The following HYDIN variants were observed in gnomAD, a reference collection of about 807,000 sequenced individuals.
The protein encoded by HYDIN is axonemal central pair apparatus protein HYDIN.
A neutral mutation model predicts 403.9 loss-of-function variants in HYDIN; 132 were observed. The observed-to-expected ratio is 0.33, with a 90% CI of 0.28 to 0.38. The LOEUF (loss-of-function observed/expected upper bound fraction) is 0.38, where lower values mean the gene tolerates loss of function less well. Among genes scored for constraint, HYDIN ranks in the 10% least tolerant of loss-of-function variants. The pLI is 1.00. For missense variants in HYDIN, 2,827 were observed against 5,009.5 expected, an observed-to-expected ratio of 0.56 and a Z score of 13.15; for synonymous variants, 1,202 against 1,891.7, an observed-to-expected ratio of 0.64 and a Z score of 9.46.
At chr16:71,148,612 C>T (rs1030194353) in intron 7 of HYDIN, among the ~76,000 whole-genome samples, 1 of 151,600 alleles carries the variant, frequency 6.6e-6, no homozygotes, top group Non-Finnish European at 1.5e-5. Context: ...ACCACACTAG[C>T]TATAAAATTA....
chr16:71,064,482 C>T (rs144681394), intron 16 of HYDIN, among the ~76,000 whole-genome samples: 2,758 of 152,070 alleles, frequency 0.018, 70 homozygotes, highest in African/African-American at 0.062. Flanking sequence ...AGGGTAATTT[C>T]TCTGGGAAAT....
chr16:70,899,835 G>A (rs1351993901), intron 53 of HYDIN, among the ~76,000 whole-genome samples: 1 of 152,230 alleles, frequency 6.6e-6, no homozygotes, highest in Non-Finnish European at 1.5e-5. Flanking sequence ...GGAGCCTAAG[G>A]GCAGATTCCC....
chr16:70,946,597 C>G (rs1368176123), intron 41 of HYDIN, among the ~76,000 whole-genome samples: 1 of 152,044 alleles, frequency 6.6e-6, no homozygotes, highest in East Asian at 1.9e-4. Flanking sequence ...CAGACCATGG[C>G]ATCCAGACTG....
intron 41 of HYDIN, among the ~76,000 whole-genome samples, chr16:70,950,447 G>A (rs1399032621): frequency 3.3e-5 from 5 of 151,568 alleles, no homozygotes; most frequent in Admixed American, 1.3e-4. Context: ...TAGTAGAGAC[G>A]GGGTTTCATC....
chr16:71,145,689 C>T (rs949453598), intron 7 of HYDIN, among the ~76,000 whole-genome samples: 4 of 152,006 alleles, frequency 2.6e-5, no homozygotes, highest in South Asian at 2.1e-4. Context: ...AAAATGCAGC[C>T]GCATTTCAAA....
intron 57 of HYDIN, among the ~76,000 whole-genome samples, chr16:70,891,151 A>C (rs1044255097): frequency 2.6e-5 from 4 of 152,162 alleles, no homozygotes; most frequent in African/African-American, 9.7e-5. Flanking sequence ...ACCAAGATCT[A>C]CTGGTGATTT....
intron 44 of HYDIN, among the ~76,000 whole-genome samples, 161 bp downstream of exon 44, chr16:70,938,453 C>T (rs1024654234): frequency 6.6e-6 from 1 of 152,220 alleles, no homozygotes. Context: ...CCTTGATGGG[C>T]GGGATGCATC....
At chr16:71,107,398 G>T (rs921922112) in intron 10 of HYDIN, among the ~76,000 whole-genome samples, 1 of 150,864 alleles carries the variant, frequency 6.6e-6, no homozygotes, top group African/African-American at 2.4e-5. Context: ...CCAAAGAATG[G>T]GAAAAAATAT....
intron 12 of HYDIN, among the ~76,000 whole-genome samples, chr16:71,084,832 T>C (rs1175340790): frequency 6.6e-6 from 1 of 150,968 alleles, no homozygotes; most frequent in African/African-American, 2.5e-5. Flanking sequence ...TGGTAAATGC[T>C]TTTTCTGTGT....
In HYDIN at chr16:70,807,517, C is replaced by T; in HGVS notation, c.*63G>A. 6.7e-7 allele frequency: 1 copy of T among 1,503,172 alleles called. No individual in the cohort carries two copies. Among genetic ancestry groups the T allele is most frequent in the Non-Finnish European group, 8.9e-7 (1 of 1,120,646 alleles). 93.1% of individuals were successfully genotyped at this position (1,503,172 alleles called of 1,614,324 possible). A position where few individuals can be genotyped will look rare whatever the true frequency, so the allele number is the denominator to read the frequency against. Reference sequence around the variant, plus strand: ...TCCTTTAGAATTCTTATTGTTTTCTCTATTCTTTTTCAGGCTAAGACAATG... The same window carrying T: ...TCCTTTAGAATTCTTATTGTTTTCTTTATTCTTTTTCAGGCTAAGACAATG... On this transcript the variant is annotated 3_prime_UTR_variant, in exon 86 of 86. Coordinates refer to ENST00000393567, the MANE Select transcript of HYDIN (RefSeq NM_001270974.2).
At chr16:71,141,803 C>T (rs2085182620) in intron 7 of HYDIN, among the ~76,000 whole-genome samples, 2 of 152,160 alleles carry the variant, frequency 1.3e-5, no homozygotes, top group Non-Finnish European at 2.9e-5. Context: ...AGCAATTGCA[C>T]TTGTAGGTAT....
At chr16:71,178,331 A>T (rs923696968) in intron 4 of HYDIN, among the ~76,000 whole-genome samples, 2 of 151,298 alleles carry the variant, frequency 1.3e-5, no homozygotes, top group Non-Finnish European at 2.9e-5. Context: ...AGGCAGGAGA[A>T]TCGCTTGAAC....
In HYDIN at chr16:70,959,694, T is replaced by C; in HGVS notation, c.6095A>G (p.Lys2032Arg). ...GATAATGGCGATGCCTTTCCGGTTC[T>C]TGGCCAGGCGGCCTTCTGCAGAAAT... ...IDISAEGRLA[K>R]NRKGIAIIIH... The change falls in exon 39 of 86, where the codon AAG becomes AGG. Residue 2032 changes from lysine (K) to arginine (R), a missense_variant. By Grantham distance (26) the Lys-to-Arg change is conservative. Transcript: ENST00000393567. 2.2e-6 allele frequency: 3 copies of C among 1,339,064 alleles called. No individual in the cohort carries two copies. Among genetic ancestry groups the C allele is most frequent in the Non-Finnish European group, 3.0e-6 (3 of 1,013,686 alleles). The allele number at this position is 1,339,064 out of a possible 1,614,324, so 82.9% of individuals were successfully genotyped here.
At chr16:70,902,815 ATATATATT>A (rs1422893084) in intron 52 of HYDIN, among the ~76,000 whole-genome samples, 11 of 16,286 alleles carry the variant, frequency 6.8e-4, no homozygotes, top group Non-Finnish European at 1.3e-3. Flanking sequence ...ATATATATAT[ATATATATT>A]TTTTTTTTTT....
intron 62 of HYDIN, among the ~76,000 whole-genome samples, chr16:70,877,976 G>A (rs2040549531): frequency 6.6e-6 from 1 of 152,044 alleles, no homozygotes. Context: ...AGGAAATACT[G>A]AAGAGTATTC....
At chr16:70,936,906 C>T (rs576518391) in intron 44 of HYDIN, among the ~76,000 whole-genome samples, 9 of 151,690 alleles carry the variant, frequency 5.9e-5, no homozygotes, top group African/African-American at 2.2e-4. Context: ...AGCCGTGTTC[C>T]CCTCCTCCAC....
At chr16:70,886,817 AT>A (rs1555557438) in intron 58 of HYDIN, among the ~76,000 whole-genome samples, 5 of 151,412 alleles carry the variant, frequency 3.3e-5, no homozygotes, top group African/African-American at 4.9e-5. Flanking sequence ...TGTGTTCAAG[AT>A]TTTTTTTTCT....
chr16:71,203,272 C>T (rs2088115512), intron 1 of HYDIN, among the ~76,000 whole-genome samples: 2 of 152,128 alleles, frequency 1.3e-5, no homozygotes, highest in South Asian at 4.2e-4. Context: ...TGTGAACCAT[C>T]CTAGTGTCCT....
At chr16:70,997,855 CTT>C (rs2079580253) in intron 23 of HYDIN, among the ~76,000 whole-genome samples, 2 of 151,054 alleles carry the variant, frequency 1.3e-5, no homozygotes, top group Admixed American at 1.3e-4. Context: ...TTATAAAGAT[CTT>C]GTTTTGCTCA....
Sources: gnomAD v4.1 joint callset for allele counts (sites outside exome capture counted in the v4.1 genomes callset) on GRCh38, gnomAD v4.1.1 for gene constraint, MANE v1.5 for transcripts, NCBI Gene and HGNC (gene_info 2026-07-23, HGNC 2026-07-21) for gene names.